Variants in ZNF423 observed in about 807,000 individuals in gnomAD.
ZNF423 encodes the protein Ebf-associated zinc finger protein.
In ZNF423, 12 loss-of-function variants were observed where a neutral mutation model predicts 95.8. The observed-to-expected ratio is 0.13, with a 90% confidence interval of 0.08 to 0.20. ZNF423 has a LOEUF of 0.20. Among genes scored for constraint, ZNF423 ranks in the 10% least tolerant of loss-of-function variants. The probability of loss-of-function intolerance (pLI) is 1.00; values close to 1 mark genes in which losing one functional copy is unlikely to be tolerated. For missense variants in ZNF423, 1,316 were observed against 1,737.1 expected, an observed-to-expected ratio of 0.76 and a Z score of 4.31; for synonymous variants, 749 against 711.9, an observed-to-expected ratio of 1.05 and a Z score of -0.83.
chr16:49,626,581 T>C (rs1315593202), intron 4 of ZNF423, among the ~76,000 whole-genome samples: 2 of 151,486 alleles, frequency 1.3e-5, no homozygotes, highest in Non-Finnish European at 1.5e-5. Flanking sequence ...CATCCAAACA[T>C]CCACCCATCC....
intron 3 of ZNF423, chr16:49,711,524 C>T (rs1016134920): frequency 1.3e-5 from 2 of 152,190 alleles, no homozygotes; most frequent in African/African-American, 4.8e-5. Context: ...ATACACATAA[C>T]ACTATATTTC....
intron 3 of ZNF423, among the ~76,000 whole-genome samples, chr16:49,664,691 C>T (rs928595928): frequency 1.3e-5 from 2 of 152,116 alleles, no homozygotes; most frequent in African/African-American, 2.4e-5. Context: ...GAGCTGTCTG[C>T]GGGAAGCAGC....
At chr16:49,673,479 AAGG>A (rs2030911782) in intron 3 of ZNF423, among the ~76,000 whole-genome samples, 1 of 152,204 alleles carries the variant, frequency 6.6e-6, no homozygotes, top group East Asian at 1.9e-4. Context: ...GGTGCTTGTT[AAGG>A]AGAACTCCAG....
chr16:49,583,128 C>T (rs551215805), intron 5 of ZNF423, among the ~76,000 whole-genome samples: 33 of 152,308 alleles, frequency 2.2e-4, no homozygotes, highest in African/African-American at 7.9e-4. Flanking sequence ...ACCTATGGAC[C>T]GCAATTTTGG....
intron 7 of ZNF423, among the ~76,000 whole-genome samples, chr16:49,508,727 G>A (rs1967759506): frequency 6.6e-6 from 1 of 151,982 alleles, no homozygotes; most frequent in South Asian, 2.1e-4. Context: ...AGTCAGGGAG[G>A]GCAGGGGCAG....
At chr16:49,539,992 C>T (rs145591168) in intron 5 of ZNF423, among the ~76,000 whole-genome samples, 252 of 152,208 alleles carry the variant, frequency 1.7e-3, no homozygotes, top group African/African-American at 5.5e-3. Flanking sequence ...ATGCAGGAGC[C>T]GCTCTAAGAG....
intron 5 of ZNF423, among the ~76,000 whole-genome samples, chr16:49,526,646 A>G (rs1008114681): frequency 1.5e-4 from 23 of 152,256 alleles, no homozygotes; most frequent in Admixed American, 1.2e-3. Context: ...GGGGATGGGG[A>G]ATCCCCTGGT....
chr16:49,582,008 G>A (rs1017845999), intron 5 of ZNF423, among the ~76,000 whole-genome samples: 1 of 152,158 alleles, frequency 6.6e-6, no homozygotes, highest in Non-Finnish European at 1.5e-5. Flanking sequence ...TGGTTGCCAC[G>A]CTGGGAAACT....
intron 3 of ZNF423, among the ~76,000 whole-genome samples, chr16:49,672,066 A>G (rs1274862472): frequency 6.6e-6 from 1 of 152,158 alleles, no homozygotes; most frequent in African/African-American, 2.4e-5. Context: ...ACTTTTTCAG[A>G]TTCTAGAAAG....
chr16:49,803,416 T>C (rs530870352), intron 1 of ZNF423, among the ~76,000 whole-genome samples: 29 of 152,110 alleles, frequency 1.9e-4, no homozygotes, highest in Non-Finnish European at 7.4e-5. Context: ...CTGCAACACA[T>C]GTATGGTCAC....
At chr16:49,631,347 C>T (rs1301334752) in intron 4 of ZNF423, among the ~76,000 whole-genome samples, 6 of 152,114 alleles carry the variant, frequency 3.9e-5, no homozygotes, top group African/African-American at 1.4e-4. Context: ...TCACCAGCCC[C>T]CAAACCCTCC....
Position 49,680,778 on chromosome 16 carries a change from G to A in ZNF423, c.302-41904C>T, listed in dbSNP as rs569011224. Among the ~76,000 whole-genome samples the A allele has an allele frequency of 2.6e-5, 4 of 152,364 alleles. No individual in the cohort carries two copies. The East Asian group carries it at 7.7e-4, about 29-fold the overall frequency. On this transcript the variant is annotated intron_variant, in intron 3 of 7. Coordinates refer to ENST00000563137, the MANE Select transcript of ZNF423 (RefSeq NM_001379286.1). ...CTCTGCACCTGGATCACCCTTGGCA[G>A]GTATGGGATCCAGGCTGGTAGCATG...
At chr16:49,526,580 C>A (rs904379734) in intron 5 of ZNF423, among the ~76,000 whole-genome samples, 3 of 152,184 alleles carry the variant, frequency 2.0e-5, no homozygotes, top group Non-Finnish European at 4.4e-5. Flanking sequence ...TGGGGACCAC[C>A]TGTCCTCCCT....
chr16:49,499,807 C>G (rs190039367), intron 7 of ZNF423, among the ~76,000 whole-genome samples: 2 of 152,320 alleles, frequency 1.3e-5, no homozygotes, highest in Non-Finnish European at 2.9e-5. Context: ...AGGGCAGGTT[C>G]TGTACTGCTG....
At chr16:49,525,058 AGAGGGTTGAGGCTGGGTT>A (rs1351345341) in intron 6 of ZNF423, among the ~76,000 whole-genome samples, 5 of 152,198 alleles carry the variant, frequency 3.3e-5, no homozygotes, top group African/African-American at 1.2e-4. Context: ...AAACTGCCGC[AGAGGGTTGAGGCTGGGTT>A]GGACAAAGGG....
chr16:49,683,580 T>C (rs934090303), intron 3 of ZNF423, among the ~76,000 whole-genome samples: 10 of 152,120 alleles, frequency 6.6e-5, no homozygotes, highest in African/African-American at 2.4e-4. Context: ...CTTTCCTCTA[T>C]GCCACAAGGT....
chr16:49,697,606 G>GCT (rs35677049), intron 3 of ZNF423, among the ~76,000 whole-genome samples: 2 of 152,154 alleles, frequency 1.3e-5, no homozygotes, highest in African/African-American at 4.8e-5. Flanking sequence ...TTTTTGGAGT[G>GCT]TTTTATTTGC....
chr16:49,832,624 C>T (rs536008500), intron 1 of ZNF423, among the ~76,000 whole-genome samples: 2 of 152,308 alleles, frequency 1.3e-5, no homozygotes, highest in South Asian at 4.1e-4. Context: ...CAGGTCAGAA[C>T]AGAGCACCCG....
intron 2 of ZNF423, among the ~76,000 whole-genome samples, chr16:49,751,988 C>A (rs1236101469): frequency 1.3e-5 from 2 of 152,088 alleles, no homozygotes; most frequent in Non-Finnish European, 2.9e-5. Flanking sequence ...AACCCCACAG[C>A]AAGGAGGGAG....
Sources: allele counts gnomAD v4.1 joint callset (sites outside exome capture counted in the v4.1 genomes callset), GRCh38; gene constraint gnomAD v4.1.1; transcripts MANE v1.5; gene names NCBI Gene and HGNC (gene_info 2026-07-23, HGNC 2026-07-21).